The following ZNG1C variants were observed in gnomAD, a reference collection of about 807,000 sequenced individuals.
ZNG1C encodes the protein zinc-regulated GTPase metalloprotein activator 1C.
At chr9:68,287,585 C>T in the ZNG1C span, among the ~76,000 whole-genome samples, 5 of 152,406 alleles carry the variant, frequency 3.3e-5, no homozygotes, top group African/African-American at 7.2e-5. Context: ...AAATTTCAAA[C>T]GTGCATAAGA....
chr9:68,296,003 T>TA, the ZNG1C span, among the ~76,000 whole-genome samples: 2 of 124,940 alleles, frequency 1.6e-5, no homozygotes, highest in African/African-American at 3.2e-5. Flanking sequence ...ACAAAAAAGA[T>TA]ACGTGCACAC....
chr9:68,267,001 A>G, the ZNG1C span, among the ~76,000 whole-genome samples: 2 of 152,128 alleles, frequency 1.3e-5, no homozygotes, highest in East Asian at 3.9e-4. Flanking sequence ...GAAAACAAAG[A>G]TGGACTTTTC....
chr9:68,247,417 A>G, the ZNG1C span, among the ~76,000 whole-genome samples: 1 of 151,258 alleles, frequency 6.6e-6, no homozygotes, highest in Admixed American at 6.6e-5. Flanking sequence ...TTCAGGGCTT[A>G]AGACATCTTA....
At chr9:68,265,027 T>G in the ZNG1C span, among the ~76,000 whole-genome samples, 1 of 106,124 alleles carries the variant, frequency 9.4e-6, no homozygotes, top group East Asian at 2.3e-4. Flanking sequence ...AGCTAATTTT[T>G]GCATTTTTTT....
the ZNG1C span, among the ~76,000 whole-genome samples, chr9:68,247,380 A>G: frequency 1.5e-4 from 22 of 150,980 alleles, no homozygotes; most frequent in African/African-American, 4.4e-4. Context: ...GGAAGTAGGT[A>G]TGTTTATCAG....
At chr9:68,275,343 T>A in the ZNG1C span, among the ~76,000 whole-genome samples, 1 of 145,440 alleles carries the variant, frequency 6.9e-6, no homozygotes, top group Admixed American at 7.1e-5. Context: ...TATTTATTAT[T>A]ATTTAAGTTT....
At chr9:68,288,647 AT>A in the ZNG1C span, among the ~76,000 whole-genome samples, 2,400 of 56,816 alleles carry the variant, frequency 0.042, 27 homozygotes, top group South Asian at 0.087. Flanking sequence ...TAATTTTTGT[AT>A]TTTTTTTTTT....
chr9:68,294,378 T>C, the ZNG1C span, among the ~76,000 whole-genome samples: 1 of 72,814 alleles, frequency 1.4e-5, no homozygotes, highest in Non-Finnish European at 2.7e-5. Flanking sequence ...AAGCTGGTTC[T>C]TTGAAAAGAT....
the ZNG1C span, among the ~76,000 whole-genome samples, chr9:68,266,621 TA>T: frequency 6.8e-6 from 1 of 147,730 alleles, no homozygotes; most frequent in Admixed American, 6.7e-5. Flanking sequence ...CCAGGATGGT[TA>T]ATTCACTTTC....
chr9:68,256,747 T>C, the ZNG1C span, among the ~76,000 whole-genome samples: 1 of 122,782 alleles, frequency 8.1e-6, no homozygotes, highest in Admixed American at 9.0e-5. Context: ...TAAAAGGTTC[T>C]ATCACTATAA....
the ZNG1C span, among the ~76,000 whole-genome samples, chr9:68,296,581 A>T: frequency 6.6e-6 from 1 of 152,282 alleles, no homozygotes; most frequent in South Asian, 2.1e-4. Context: ...CTGTATGATT[A>T]TGTAATGGTG....
the ZNG1C span, among the ~76,000 whole-genome samples, chr9:68,255,883 A>G: frequency 1.3e-5 from 2 of 152,180 alleles, no homozygotes; most frequent in East Asian, 1.9e-4. Context: ...ATGGTAAAGT[A>G]ATTTCCTTGA....
chr9:68,284,916 T>TTG, the ZNG1C span, among the ~76,000 whole-genome samples: 4 of 129,348 alleles, frequency 3.1e-5, no homozygotes, highest in Non-Finnish European at 4.9e-5. Flanking sequence ...TTTTTTTTTT[T>TTG]GCTGCGTATG....
the ZNG1C span, among the ~76,000 whole-genome samples, chr9:68,295,621 GA>G: frequency 1.8e-5 from 2 of 111,834 alleles, no homozygotes; most frequent in Non-Finnish European, 3.9e-5. Context: ...AAATCAGCAA[GA>G]AAAGCAGTCC....
chr9:68,287,485 G>A, the ZNG1C span, among the ~76,000 whole-genome samples: 2 of 152,222 alleles, frequency 1.3e-5, no homozygotes, highest in Non-Finnish European at 2.9e-5. Context: ...AGTTTAAATG[G>A]CATCAACATT....
At chr9:68,296,161 C>T in the ZNG1C span, among the ~76,000 whole-genome samples, 1 of 151,278 alleles carries the variant, frequency 6.6e-6, no homozygotes, top group Non-Finnish European at 1.5e-5. Context: ...TAATGGCATT[C>T]ACAGTGACCT....
At chr9:68,257,028 G>GTTTTTGT in the ZNG1C span, 6 of 90,218 alleles carry the variant, frequency 6.7e-5, no homozygotes, top group African/African-American at 4.9e-4. Context: ...TTTTTTTTTT[G>GTTTTTGT]TTTTTTTTTT....
chr9:68,281,260 C>G, the ZNG1C span, among the ~76,000 whole-genome samples: 34 of 152,248 alleles, frequency 2.2e-4, no homozygotes, highest in East Asian at 6.2e-3. Context: ...GAGATGAACC[C>G]GGTACCTCAG....
chr9:68,287,634 T>A, the ZNG1C span, among the ~76,000 whole-genome samples: 27 of 152,428 alleles, frequency 1.8e-4, no homozygotes, highest in African/African-American at 6.5e-4. Context: ...CCTATTGCCC[T>A]TGGTGTAGTG....
Sources: allele counts gnomAD v4.1 joint callset (sites outside exome capture counted in the v4.1 genomes callset), GRCh38; gene constraint gnomAD v4.1.1; transcripts MANE v1.5; gene names NCBI Gene and HGNC (gene_info 2026-07-23, HGNC 2026-07-21).